Variants in SFXN1 observed in about 807,000 individuals in gnomAD.
SFXN1 encodes the protein sideroflexin-1.
SFXN1 carries 32 observed loss-of-function variants against 39.5 expected under a neutral mutation model. The ratio of observed to expected loss-of-function variants is 0.81; its 90% CI spans 0.61 to 1.09. The LOEUF (loss-of-function observed/expected upper bound fraction) is 1.09. SFXN1 is among the 50% of genes least tolerant of loss of function. The pLI, the probability that SFXN1 is intolerant of heterozygous loss-of-function variation, is 0.00. For synonymous variants in SFXN1, 136 were observed against 146.5 expected (o/e 0.93, Z 0.52); for missense variants, 402 against 407.1 (o/e 0.99, Z 0.11).
rs569098543 is a variant in SFXN1 at position 175,502,843 on chromosome 5, A to AAAT, written c.165-6168_165-6166dup. ...GCAACAAGAACAAAACTCTATCTCAAAATAATAATAATAATAATAATAAAT... is the reference window on the plus strand; with the variant it reads ...GCAACAAGAACAAAACTCTATCTCAAAATAATAATAATAATAATAATAATAAAT... On this transcript the variant is annotated intron_variant, in intron 2 of 10. Coordinates refer to ENST00000321442, the MANE Select transcript of SFXN1 (RefSeq NM_022754.7). Among the ~76,000 whole-genome samples, 123 of 150,368 alleles carry AAAT rather than the reference A, an allele frequency of 8.2e-4. 1 individual carries two copies. Among genetic ancestry groups the AAAT allele is most frequent in the East Asian group, 3.5e-3 (18 of 5,168 alleles).
At chr5:175,520,674 G>A (rs754325547) in intron 8 of SFXN1, among the ~76,000 whole-genome samples, 5 of 152,170 alleles carry the variant, frequency 3.3e-5, no homozygotes, top group Non-Finnish European at 5.9e-5. Context: ...TACTTACAAT[G>A]AGGAGGCTGC....
At chr5:175,504,597 A>G (rs557831788) in intron 2 of SFXN1, among the ~76,000 whole-genome samples, 1 of 152,116 alleles carries the variant, frequency 6.6e-6, no homozygotes, top group Admixed American at 6.5e-5. Flanking sequence ...AGAAGAGACC[A>G]TAACCAACTG....
Position 175,513,294 on chromosome 5 carries a change from TGTAAAAAAAAAAAA to T in SFXN1, c.597-168_597-155del, listed in dbSNP as rs1360607871. On this transcript the variant is annotated intron_variant, in intron 6 of 10. Coordinates refer to ENST00000321442, the MANE Select transcript of SFXN1 (RefSeq NM_022754.7). ...TCCAGCCTGGGCAACAGAGTGAGAC[TGTAAAAAAAAAAAA>T]AAAAAAAAAAAAAAAACAGATGTGT... 4.3e-4 allele frequency among the ~76,000 whole-genome samples: 24 copies of T among 55,770 alleles called. 1 individual carries two copies. In the Admixed American group the frequency reaches 7.8e-3, roughly 18 times the overall value. 36.6% of individuals were successfully genotyped at this position (55,770 alleles called of 152,430 possible). A position where few individuals can be genotyped will look rare whatever the true frequency, so the allele number is the denominator to read the frequency against.
chr5:175,526,727 G>T lies in SFXN1; in HGVS notation c.962G>T (p.Gly321Val). The change falls in exon 11 of 11, where the codon GGA (glycine) becomes GTA (valine). Residue 321 changes from glycine to valine, a missense_variant. Coordinates refer to ENST00000321442, the MANE Select transcript of SFXN1 (RefSeq NM_022754.7). ...PELRRVYFNK[G>V]L ...TTGCGACGCGTGTACTTCAATAAGG[G>T]ATTGTAAAGCAGGGAGGAAACCTCT... 1 of 1,613,948 alleles carries T rather than the reference G, an allele frequency of 6.2e-7. No individual in the cohort carries two copies. Among genetic ancestry groups the T allele is most frequent in the Non-Finnish European group, 8.5e-7 (1 of 1,179,778 alleles).
intron 8 of SFXN1, among the ~76,000 whole-genome samples, chr5:175,517,211 C>G (rs1760737951): frequency 6.6e-6 from 1 of 152,176 alleles, no homozygotes; most frequent in Non-Finnish European, 1.5e-5. Flanking sequence ...CCGTCTTAGC[C>G]CACCATTGCC....
rs769332373 is a variant in SFXN1, at chr5:175,526,915, A to G, written c.*181A>G. On this transcript the variant is annotated 3_prime_UTR_variant, in exon 11 of 11. Coordinates refer to ENST00000321442, the MANE Select transcript of SFXN1 (RefSeq NM_022754.7). ...GCACCTGGCGTGGGCCAAGTGCCTGATACTCCCTTACACTGAATCATGTTA... is the reference window on the plus strand; with the variant it reads ...GCACCTGGCGTGGGCCAAGTGCCTGGTACTCCCTTACACTGAATCATGTTA... The G allele has an allele frequency of 2.0e-5, 12 of 609,376 alleles. No homozygotes were observed. The highest frequency in any genetic ancestry group is 5.5e-5 in the African/African-American group (3 of 54,416). 37.7% of individuals were successfully genotyped at this position (609,376 alleles called of 1,614,324 possible). A position where few individuals can be genotyped will look rare whatever the true frequency, so the allele number is the denominator to read the frequency against.
Position 175,510,225 on chromosome 5 carries a change from G to T in SFXN1, c.434+18G>T, listed in dbSNP as rs1286812159. On this transcript the variant is annotated intron_variant, in intron 4 of 10. Coordinates refer to ENST00000321442, the MANE Select transcript of SFXN1 (RefSeq NM_022754.7). ...ACTGTCAAGTAAGGCTACGAGAATTGACCACTCTCTGCAGTTCTTCAACCT... is the reference window on the plus strand; with the variant it reads ...ACTGTCAAGTAAGGCTACGAGAATTTACCACTCTCTGCAGTTCTTCAACCT... 6.3e-7 allele frequency: 1 copy of T among 1,592,876 alleles called. No individual in the cohort carries two copies. Among genetic ancestry groups the T allele is most frequent in the South Asian group, 1.1e-5 (1 of 88,938 alleles).
At chr5:175,502,408 A>G (rs1390126386) in intron 2 of SFXN1, among the ~76,000 whole-genome samples, 5 of 152,236 alleles carry the variant, frequency 3.3e-5, no homozygotes, top group Non-Finnish European at 5.9e-5. Context: ...AGTTCAGCCT[A>G]TGCCCAGGAA....
chr5:175,495,575 A>G (rs866355914), intron 2 of SFXN1, among the ~76,000 whole-genome samples: 19 of 152,136 alleles, frequency 1.2e-4, no homozygotes, highest in African/African-American at 3.9e-4. Flanking sequence ...CTAAAAATAC[A>G]AAAATTAGCC....
intron 8 of SFXN1, 166 bp from the exon 9 acceptor site, chr5:175,521,753 A>C: frequency 1.9e-6 from 1 of 531,572 alleles, no homozygotes. Flanking sequence ...AGAAGGTTAC[A>C]GGAAGTTAGG....
At chr5:175,505,112 T>C (rs1178597487) in intron 2 of SFXN1, among the ~76,000 whole-genome samples, 1 of 152,128 alleles carries the variant, frequency 6.6e-6, no homozygotes, top group Non-Finnish European at 1.5e-5. Flanking sequence ...TGGAATCATG[T>C]TAAGTTTGAG....
At chr5:175,519,305 G>A (rs575167129) in intron 8 of SFXN1, among the ~76,000 whole-genome samples, 1 of 152,194 alleles carries the variant, frequency 6.6e-6, no homozygotes, top group Non-Finnish European at 1.5e-5. Context: ...TTCTTACAAA[G>A]TTAAACAGAT....
chr5:175,521,937 GCA>G lies in SFXN1; in HGVS notation c.795_796del (p.Pro266HisfsTer39). The G allele has an allele frequency of 6.2e-7, 1 of 1,602,966 alleles. No individual in the cohort carries two copies. Among genetic ancestry groups the G allele is most frequent in the Non-Finnish European group, 8.5e-7 (1 of 1,172,616 alleles). On this transcript the variant is annotated frameshift_variant, in exon 9 of 11. Coordinates refer to ENST00000321442, the MANE Select transcript of SFXN1 (RefSeq NM_022754.7). LOFTEE classifies it high-confidence loss of function. ...AACACAGAGGTTCCCATGGATGAGT[GCA>G]CCCATTCAAGTTGGGTTAGTTGGCT... ...AFLKRFPWMS[A>X]PIQVGLVGFC...
rs566972654 is a variant in SFXN1 at position 175,527,399 on chromosome 5, G to A, written c.*665G>A. 6.6e-6 allele frequency: 1 copy of A among 152,220 alleles called. No individual in the cohort carries two copies. The highest frequency in any genetic ancestry group is 2.4e-5 in the African/African-American group (1 of 41,530). 9.4% of individuals were successfully genotyped at this position (152,220 alleles called of 1,614,324 possible). A position where few individuals can be genotyped will look rare whatever the true frequency, so the allele number is the denominator to read the frequency against. ...TTCAGATTGTGAGTGGATTGCCTTG[G>A]TTGACTTTTAATTTATTGTTTTTTG... On this transcript the variant is annotated 3_prime_UTR_variant, in exon 11 of 11. Transcript: ENST00000321442.
intron 3 of SFXN1, chr5:175,509,453 G>A (rs1411187555): frequency 7.7e-6 from 2 of 261,058 alleles, no homozygotes; most frequent in Non-Finnish European, 1.4e-5. Context: ...TATTATTGAT[G>A]TAAAAGAAAA....
rs966162443 is a variant in SFXN1 at position 175,513,301 on chromosome 5, A to T, written c.597-162A>T. On this transcript the variant is annotated intron_variant, in intron 6 of 10. Transcript: ENST00000321442. Reference sequence around the variant, plus strand: ...TGGGCAACAGAGTGAGACTGTAAAAAAAAAAAAAAAAAAAAAAAAAAAACA... The same window carrying T: ...TGGGCAACAGAGTGAGACTGTAAAATAAAAAAAAAAAAAAAAAAAAAAACA... Among the ~76,000 whole-genome samples, 288 of 72,820 alleles carry T rather than the reference A, an allele frequency of 4.0e-3. 1 individual carries two copies. The highest frequency in any genetic ancestry group is 6.6e-3 in the South Asian group (10 of 1,522). 47.8% of individuals were successfully genotyped at this position (72,820 alleles called of 152,430 possible). A position where few individuals can be genotyped will look rare whatever the true frequency, so the allele number is the denominator to read the frequency against.
Position 175,492,456 on chromosome 5 carries a change from G to C in SFXN1, c.164+189G>C, listed in dbSNP as rs112913756. On this transcript the variant is annotated intron_variant, in intron 2 of 10. Coordinates refer to ENST00000321442, the MANE Select transcript of SFXN1 (RefSeq NM_022754.7). ...TCCCCCATTGCTCGCCCTTAACACA[G>C]ATATCTAGGGTTCATATTAACCTGA... The C allele has an allele frequency of 1.6e-3, 814 of 495,640 alleles. 10 individuals carry two copies. Among genetic ancestry groups the C allele is most frequent in the African/African-American group, 0.015 (759 of 49,706 alleles). 30.7% of individuals were successfully genotyped at this position (495,640 alleles called of 1,614,324 possible). A position where few individuals can be genotyped will look rare whatever the true frequency, so the allele number is the denominator to read the frequency against.
At chr5:175,503,883 A>G (rs762363920) in intron 2 of SFXN1, among the ~76,000 whole-genome samples, 1 of 151,930 alleles carries the variant, frequency 6.6e-6, no homozygotes, top group African/African-American at 2.4e-5. Flanking sequence ...ACGCACCTGT[A>G]ATCCCAGCTA....
intron 3 of SFXN1, 131 bp downstream of exon 3, chr5:175,509,333 C>A: frequency 1.2e-6 from 1 of 830,024 alleles, no homozygotes; most frequent in Non-Finnish European, 1.8e-6. Flanking sequence ...AGGTAATTAG[C>A]TTGATTGAAT....
Sources: gnomAD v4.1 joint callset for allele counts (sites outside exome capture counted in the v4.1 genomes callset) on GRCh38, gnomAD v4.1.1 for gene constraint, MANE v1.5 for transcripts, NCBI Gene and HGNC (gene_info 2026-07-23, HGNC 2026-07-21) for gene names.